The following KCNG2 variants were observed in gnomAD, a reference collection of about 807,000 sequenced individuals.
The protein encoded by KCNG2 is potassium voltage-gated channel modifier subfamily G member 2, also known as voltage-gated potassium channel regulatory subunit KCNG2.
In KCNG2, 7 loss-of-function variants were observed where a neutral mutation model predicts 12.3. The ratio of observed to expected loss-of-function variants is 0.57; its 90% CI spans 0.32 to 1.07. The LOEUF (loss-of-function observed/expected upper bound fraction) is 1.07. Among genes scored for constraint, KCNG2 ranks in the 50% least tolerant of loss-of-function variants. KCNG2 has a pLI of 0.04. For synonymous variants in KCNG2, 414 were observed against 351.4 expected (o/e 1.18, Z -1.99); for missense variants, 703 against 726.0 (o/e 0.97, Z 0.36).
intron 3 of KCNG2, among the ~76,000 whole-genome samples, chr18:79,883,206 A>G (rs935542249): frequency 1.4e-5 from 2 of 141,392 alleles, no homozygotes; most frequent in Non-Finnish European, 3.1e-5. Context: ...GATCCCGTCT[A>G]TGGGATACCT....
chr18:79,867,462 G>A (rs1375923444), intron 3 of KCNG2, among the ~76,000 whole-genome samples: 1 of 90,264 alleles, frequency 1.1e-5, no homozygotes, highest in East Asian at 3.7e-4. Flanking sequence ...TTGGGGGGGG[G>A]ACCGTGAGCC....
chr18:79,881,318 C>T (rs1309228153), intron 3 of KCNG2, among the ~76,000 whole-genome samples: 1 of 152,140 alleles, frequency 6.6e-6, no homozygotes, highest in East Asian at 1.9e-4. Flanking sequence ...TGTAGAAACA[C>T]GCCGTACGAT....
chr18:79,806,281 C>T (rs2087448922), intron 1 of KCNG2, among the ~76,000 whole-genome samples: 1 of 151,046 alleles, frequency 6.6e-6, no homozygotes, highest in African/African-American at 2.4e-5. Context: ...CGTTTGTGGT[C>T]TCAGGCAAGG....
At chr18:79,885,587 C>T (rs568252984) in intron 3 of KCNG2, among the ~76,000 whole-genome samples, 94 of 152,332 alleles carry the variant, frequency 6.2e-4, no homozygotes, top group African/African-American at 2.2e-3. Flanking sequence ...CTATGCCCGG[C>T]CAGGGACACA....
chr18:79,841,595 A>C (rs751283969), intron 1 of KCNG2, among the ~76,000 whole-genome samples: 2 of 152,242 alleles, frequency 1.3e-5, no homozygotes, highest in Non-Finnish European at 2.9e-5. Context: ...AGCAAAACAC[A>C]TGAAAAGATA....
chr18:79,850,734 A>T (rs1978786379), intron 1 of KCNG2, among the ~76,000 whole-genome samples: 1 of 152,184 alleles, frequency 6.6e-6, no homozygotes, highest in Non-Finnish European at 1.5e-5. Context: ...TTTAGCTATG[A>T]TGAGTTTCTT....
rs369774170 is a variant in KCNG2, at chr18:79,885,618, C to T, written c.625-13422C>T. ...ACACAGGATTCCTCAGAAGGGCTTG[C>T]GTGGAAGGCAGCATCCACCAGTGGT... On this transcript the variant is annotated intron_variant, in intron 3 of 3. Transcript: ENST00000316249. Among the ~76,000 whole-genome samples the T allele has an allele frequency of 5.9e-5, 9 of 152,300 alleles. No individual in the cohort carries two copies. In the East Asian group the frequency reaches 7.7e-4, roughly 13 times the overall value.
rs545262813 is a variant in KCNG2, at chr18:79,817,590, TG to T, written c.-115+19578del. On this transcript the variant is annotated intron_variant, in intron 1 of 3. Coordinates refer to ENST00000316249, the MANE Select transcript of KCNG2 (RefSeq NM_012283.2). ...TTTGCACACACAGTTCTCACACAGA[TG>T]GTTGTCACACCTGGCTGTCACACAC... Among the ~76,000 whole-genome samples, 16 of 152,232 alleles carry T rather than the reference TG, an allele frequency of 1.1e-4. No individual in the cohort carries two copies. The South Asian group carries it at 3.1e-3, about 30-fold the overall frequency.
At chr18:79,896,912 C>T (rs1980996299) in intron 3 of KCNG2, among the ~76,000 whole-genome samples, 1 of 152,168 alleles carries the variant, frequency 6.6e-6, no homozygotes, top group Non-Finnish European at 1.5e-5. Flanking sequence ...TATCCCACTG[C>T]CTTATGGCTT....
chr18:79,842,495 C>T (rs1450402467), intron 1 of KCNG2, among the ~76,000 whole-genome samples: 2 of 152,078 alleles, frequency 1.3e-5, no homozygotes, highest in South Asian at 2.1e-4. Context: ...CAAAATAAAG[C>T]ACCAATAATG....
At chr18:79,834,848 T>G (rs1978315145) in intron 1 of KCNG2, among the ~76,000 whole-genome samples, 1 of 152,206 alleles carries the variant, frequency 6.6e-6, no homozygotes, top group South Asian at 2.1e-4. Context: ...TGAGTGCACC[T>G]TCAGTGGAGA....
At chr18:79,873,586 T>C (rs952433114) in intron 3 of KCNG2, among the ~76,000 whole-genome samples, 2 of 152,062 alleles carry the variant, frequency 1.3e-5, no homozygotes, top group Non-Finnish European at 2.9e-5. Flanking sequence ...CGGGAGCGTT[T>C]TCCTGGGAGC....
intron 1 of KCNG2, among the ~76,000 whole-genome samples, chr18:79,798,284 G>C (rs1001794584): frequency 4.6e-5 from 7 of 152,026 alleles, no homozygotes; most frequent in African/African-American, 1.7e-4. Flanking sequence ...GGAGTCGAGG[G>C]GGGCGTCGGG....
intron 2 of KCNG2, among the ~76,000 whole-genome samples, chr18:79,863,331 T>C (rs1167903622): frequency 6.6e-6 from 1 of 152,236 alleles, no homozygotes; most frequent in Admixed American, 6.5e-5. Flanking sequence ...TGCGTCGATT[T>C]GTGAAAGCTC....
At position 79,899,910 on chromosome 18, in the gene KCNG2, G is replaced by C. The variant is rs922020802; in HGVS notation, c.*94G>C. 8.6e-7 allele frequency: 1 copy of C among 1,164,600 alleles called. No individual in the cohort carries two copies. The highest frequency in any genetic ancestry group is 1.6e-5 in the African/African-American group (1 of 61,890). 72.1% of individuals were successfully genotyped at this position (1,164,600 alleles called of 1,614,324 possible). On this transcript the variant is annotated 3_prime_UTR_variant, in exon 4 of 4. Transcript: ENST00000316249. Reference sequence around the variant, plus strand: ...CAAGGGGTGGGGGGCGTCTGGCCTGGGGGAGCGGCTCCTGCCGGCCGCGTC... The same window carrying C: ...CAAGGGGTGGGGGGCGTCTGGCCTGCGGGAGCGGCTCCTGCCGGCCGCGTC...
intron 3 of KCNG2, among the ~76,000 whole-genome samples, chr18:79,871,568 C>T (rs1208698171): frequency 6.6e-6 from 1 of 152,140 alleles, no homozygotes; most frequent in Non-Finnish European, 1.5e-5. Context: ...TCTCGGGGGA[C>T]GTCAGGCGGG....
chr18:79,816,867 G>A (rs556823136), intron 1 of KCNG2, among the ~76,000 whole-genome samples: 56 of 152,326 alleles, frequency 3.7e-4, no homozygotes, highest in African/African-American at 1.3e-3. Flanking sequence ...GTGTTACTGA[G>A]CAGAACCAGT....
chr18:79,899,792 G>A lies in KCNG2; in HGVS notation c.1377G>A (p.Ala459=), dbSNP rs751005765. ...SAGLADDSAD[A]LWVRAGR ...GCCTGGCCGACGACTCCGCGGATGC[G>A]CTGTGGGTGCGGGCAGGGCGCTGAC... The change falls in exon 4 of 4, where the codon GCG becomes GCA. Residue 459 remains alanine (A), a synonymous_variant. Coordinates refer to ENST00000316249, the MANE Select transcript of KCNG2 (RefSeq NM_012283.2). 8 of 1,438,962 alleles carry A rather than the reference G, an allele frequency of 5.6e-6. No homozygotes were observed. The highest frequency in any genetic ancestry group is 2.7e-5 in the East Asian group (1 of 36,634). 89.1% of individuals were successfully genotyped at this position (1,438,962 alleles called of 1,614,324 possible).
intron 3 of KCNG2, among the ~76,000 whole-genome samples, chr18:79,866,251 CTG>C (rs1979535218): frequency 7.2e-6 from 1 of 138,646 alleles, no homozygotes; most frequent in Non-Finnish European, 1.5e-5. Flanking sequence ...GGTCTGTGTG[CTG>C]AGAGGTCTGT....
Sources: allele counts gnomAD v4.1 joint callset (sites outside exome capture counted in the v4.1 genomes callset), GRCh38; gene constraint gnomAD v4.1.1; transcripts MANE v1.5; gene names NCBI Gene and HGNC (gene_info 2026-07-23, HGNC 2026-07-21).